The following PROCR variants were observed in gnomAD, a reference collection of about 807,000 sequenced individuals.
The protein encoded by PROCR is protein C receptor, also known as endothelial protein C receptor.
In PROCR, 22 loss-of-function variants were observed where a neutral mutation model predicts 24.2. The ratio of observed to expected loss-of-function variants is 0.91; its 90% CI spans 0.65 to 1.30. The LOEUF (loss-of-function observed/expected upper bound fraction) is 1.30, where lower values mean the gene tolerates loss of function less well. Among genes scored for constraint, PROCR ranks in the 50% most tolerant of loss-of-function variants. The probability of loss-of-function intolerance (pLI) is 0.00; values close to 1 mark genes in which losing one functional copy is unlikely to be tolerated. For synonymous variants in PROCR, 137 were observed against 139.2 expected, an observed-to-expected ratio of 0.98 and a Z score of 0.11; for missense variants, 288 against 307.7, an observed-to-expected ratio of 0.94 and a Z score of 0.48.
At chr20:35,212,623 C>T (rs2146183179) in intron 1 of PROCR, among the ~76,000 whole-genome samples, 1 of 152,298 alleles carries the variant, frequency 6.6e-6, no homozygotes, top group South Asian at 2.1e-4. Context: ...CAGTGTATTC[C>T]TCAGTTTAGA....
intron 1 of PROCR, chr20:35,174,478 C>A: frequency 1.6e-6 from 1 of 607,606 alleles, no homozygotes; most frequent in Non-Finnish European, 2.9e-6. Flanking sequence ...TCTTCCACTG[C>A]AGGCCTCAGT....
intron 1 of PROCR, among the ~76,000 whole-genome samples, chr20:35,200,369 G>GA (rs1484064221): frequency 1.3e-5 from 2 of 152,086 alleles, no homozygotes; most frequent in Non-Finnish European, 1.5e-5. Flanking sequence ...CTTATTTTAA[G>GA]AAATTGCCAC....
At position 35,176,711 on chromosome 20, in the gene PROCR, C is replaced by G. The variant is rs1483930722; in HGVS notation, c.615C>G (p.Ser205Arg). 6.2e-7 allele frequency: 1 copy of G among 1,611,270 alleles called. No homozygotes were observed. Among genetic ancestry groups the G allele is most frequent in the African/African-American group, 1.3e-5 (1 of 74,876 alleles). ...SAENTKGSQT[S>R]RSYTSLVLGV... is the part of the protein sequence containing the mutation. Reference sequence around the variant, plus strand: ...CATGTTCTGCAGGGAGCCAAACAAGCCGCTCCTACACTTCGCTGGTCCTGG... The same window carrying G: ...CATGTTCTGCAGGGAGCCAAACAAGGCGCTCCTACACTTCGCTGGTCCTGG... The change falls in exon 4 of 4, where the codon AGC becomes AGG. Residue 205 changes from serine to arginine, a missense_variant. Physicochemically the swap from Ser to Arg is moderately radical, Grantham distance 110 (BLOSUM62 -1). Coordinates refer to ENST00000216968, the MANE Select transcript of PROCR (RefSeq NM_006404.5).
At chr20:35,183,672 T>C (rs2086098586) in intron 1 of PROCR, among the ~76,000 whole-genome samples, 1 of 152,200 alleles carries the variant, frequency 6.6e-6, no homozygotes, top group African/African-American at 2.4e-5. Context: ...TCTCCTCTAC[T>C]AAAACTGCAG....
At chr20:35,213,194 A>G (rs1002431891) in intron 1 of PROCR, among the ~76,000 whole-genome samples, 2 of 152,158 alleles carry the variant, frequency 1.3e-5, no homozygotes, top group Non-Finnish European at 1.5e-5. Context: ...TTAGTCAGGT[A>G]TGGTGGCATG....
At position 35,174,771 on chromosome 20, in the gene PROCR, A is replaced by G. The variant is rs755052209; in HGVS notation, c.140A>G (p.Asn47Ser). 4 of 1,613,918 alleles carry G rather than the reference A, an allele frequency of 2.5e-6. No homozygotes were observed. Among genetic ancestry groups the G allele is most frequent in the Admixed American group, 1.7e-5 (1 of 59,986 alleles). The stretch of plus-strand genomic sequence containing the variant: ...CCCTATCACGTGTGGTACCAGGGCA[A>G]CGCGTCGCTGGGGGGACACCTAACG... ...RDPYHVWYQG[N>S]ASLGGHLTHV... The change falls in exon 2 of 4, where the codon AAC (asparagine) becomes AGC (serine). Residue 47 changes from asparagine (N) to serine (S), a missense_variant. Physicochemically the swap from Asn to Ser is conservative, Grantham distance 46. Coordinates refer to ENST00000216968, the MANE Select transcript of PROCR (RefSeq NM_006404.5).
At chr20:35,172,056 C>T, upstream of PROCR, 11 of 1,124,942 alleles carry the variant, frequency 9.8e-6, no homozygotes, top group Non-Finnish European at 1.2e-5. Context: ...GACTCCGCCC[C>T]TCCCAGACGG....
chr20:35,173,862 G>A (rs548708089), intron 1 of PROCR, among the ~76,000 whole-genome samples: 24 of 152,272 alleles, frequency 1.6e-4, no homozygotes, highest in Admixed American at 3.3e-4. Flanking sequence ...TATAAGCAGC[G>A]GGAAGCGGCC....
chr20:35,202,067 G>T (rs978033569), intron 1 of PROCR: 2 of 152,028 alleles, frequency 1.3e-5, no homozygotes, highest in African/African-American at 4.8e-5. Context: ...TAATATAATG[G>T]ACATTTACAA....
chr20:35,184,184 T>C (rs1254512675), intron 1 of PROCR, among the ~76,000 whole-genome samples: 1 of 152,118 alleles, frequency 6.6e-6, no homozygotes, highest in Non-Finnish European at 1.5e-5. Context: ...CAAAACAGCA[T>C]GATACTGGTA....
At chr20:35,202,972 T>G (rs753350538) in intron 1 of PROCR, 3 of 152,210 alleles carry the variant, frequency 2.0e-5, no homozygotes, top group South Asian at 2.1e-4. Context: ...CTTTAACAAT[T>G]TTTAATAAAT....
chr20:35,212,711 A>G (rs2060366886), intron 1 of PROCR, among the ~76,000 whole-genome samples: 1 of 152,226 alleles, frequency 6.6e-6, no homozygotes, highest in Admixed American at 6.5e-5. Context: ...GCAATTGAAT[A>G]ATTTGCTACA....
At position 35,177,026 on chromosome 20, in the gene PROCR, C is replaced by G; in HGVS notation, c.*213C>G. On this transcript the variant is annotated 3_prime_UTR_variant, in exon 4 of 4. Transcript: ENST00000216968. ...ACTTGGTTTGCTAAGAACCTAAGAA[C>G]GTGTATGCTTTGCTGAATTAGTCTG... 1.4e-6 allele frequency: 2 copies of G among 1,379,648 alleles called. No homozygotes were observed. The highest frequency in any genetic ancestry group is 2.9e-5 in the Admixed American group (1 of 34,224). The allele number at this position is 1,379,648 out of a possible 1,614,324, so 85.5% of individuals were successfully genotyped here. A position where few individuals can be genotyped will look rare whatever the true frequency, so the allele number is the denominator to read the frequency against.
At chr20:35,174,545 C>T in intron 1 of PROCR, 157 bp from the exon 2 acceptor site, 2 of 885,916 alleles carry the variant, frequency 2.3e-6, no homozygotes, top group Non-Finnish European at 3.7e-6. Flanking sequence ...GGCAGAGTTA[C>T]TGTCAGCGTC....
Position 35,176,210 on chromosome 20 carries a change from C to A in PROCR, c.365C>A (p.Pro122His). 6.2e-7 allele frequency: 1 copy of A among 1,614,136 alleles called. No individual in the cohort carries two copies. The highest frequency in any genetic ancestry group is 8.5e-7 in the Non-Finnish European group (1 of 1,179,996). The change falls in exon 3 of 4, where the codon CCC becomes CAC. Residue 122 changes from proline to histidine, a missense_variant. By Grantham distance (77) the Pro-to-His change is moderately conservative. Transcript: ENST00000216968. ...IRCFLGCELP[P>H]EGSRAHVFFE... ...TGCTTCCTGGGCTGTGAGCTGCCTC[C>A]CGAGGGCTCTAGAGCCCATGTCTTC...
At chr20:35,193,544 A>C (rs2086191756) in intron 1 of PROCR, among the ~76,000 whole-genome samples, 1 of 152,190 alleles carries the variant, frequency 6.6e-6, no homozygotes, top group Non-Finnish European at 1.5e-5. Context: ...TAAGTTGTAC[A>C]TTTATAATTT....
chr20:35,209,047 T>C (rs1347669183), intron 1 of PROCR, among the ~76,000 whole-genome samples: 1 of 152,222 alleles, frequency 6.6e-6, no homozygotes, highest in Non-Finnish European at 1.5e-5. Context: ...CTTGTGTTCA[T>C]GGAGCTTATG....
At chr20:35,176,560 T>A in intron 3 of PROCR, 114 bp downstream of exon 3, 1 of 1,597,608 alleles carries the variant, frequency 6.3e-7, no homozygotes, top group Non-Finnish European at 8.5e-7. Flanking sequence ...GCTGGGGGTT[T>A]GGGACAGAAC....
intron 1 of PROCR, among the ~76,000 whole-genome samples, chr20:35,183,045 C>T (rs927802338): frequency 6.6e-6 from 1 of 150,978 alleles, no homozygotes; most frequent in African/African-American, 2.4e-5. Context: ...ACTCTTGTAG[C>T]TATCATTTAC....
Sources: allele counts gnomAD v4.1 joint callset (sites outside exome capture counted in the v4.1 genomes callset), GRCh38; gene constraint gnomAD v4.1.1; transcripts MANE v1.5; gene names NCBI Gene and HGNC (gene_info 2026-07-23, HGNC 2026-07-21).